The following MPPED2 variants were observed in gnomAD, a reference collection of about 807,000 sequenced individuals.
The protein encoded by MPPED2 is metallophosphoesterase MPPED2.
In MPPED2, 5 loss-of-function variants were observed where a neutral mutation model predicts 33.0. That is an observed-to-expected ratio of 0.15 (90% CI 0.08 to 0.32). The LOEUF (loss-of-function observed/expected upper bound fraction) is 0.32. Ranked by LOEUF, MPPED2 falls within the 10% of genes least tolerant of loss-of-function variation. MPPED2 has a pLI of 1.00. For missense variants in MPPED2, 275 were observed against 372.1 expected (o/e 0.74, Z 2.15); for synonymous variants, 136 against 141.9 (o/e 0.96, Z 0.29).
At chr11:30,523,915 G>C (rs1338414695) in intron 3 of MPPED2, among the ~76,000 whole-genome samples, 1 of 152,168 alleles carries the variant, frequency 6.6e-6, no homozygotes, top group Non-Finnish European at 1.5e-5. Flanking sequence ...AAAAGTTCGA[G>C]GTGGGAACAA....
Position 30,411,404 on chromosome 11 carries a change from T to C in MPPED2, c.*64A>G. The stretch of plus-strand genomic sequence containing the variant: ...TTGTAAATAAGTAAGAGAATGTAAG[T>C]TTATAATTAGAAAAATGGCAGTTTA... On this transcript the variant is annotated 3_prime_UTR_variant, in exon 7 of 7. Transcript: ENST00000358117. 6.5e-7 allele frequency: 1 copy of C among 1,526,788 alleles called. No individual in the cohort carries two copies. The highest frequency in any genetic ancestry group is 8.8e-7 in the Non-Finnish European group (1 of 1,130,410). The allele number at this position is 1,526,788 out of a possible 1,614,324, so 94.6% of individuals were successfully genotyped here.
intron 2 of MPPED2, among the ~76,000 whole-genome samples, chr11:30,560,169 G>T (rs1956173231): frequency 6.6e-6 from 1 of 152,104 alleles, no homozygotes; most frequent in Non-Finnish European, 1.5e-5. Context: ...TATTTTTATT[G>T]TGTTTATTTG....
intron 4 of MPPED2, among the ~76,000 whole-genome samples, chr11:30,472,712 T>C (rs1224917331): frequency 6.6e-6 from 1 of 152,220 alleles, no homozygotes; most frequent in Non-Finnish European, 1.5e-5. Flanking sequence ...AGAGTAGTCA[T>C]ATTCATTGAG....
chr11:30,454,363 C>T (rs1950189878), intron 4 of MPPED2, among the ~76,000 whole-genome samples: 1 of 151,986 alleles, frequency 6.6e-6, no homozygotes, highest in Non-Finnish European at 1.5e-5. Context: ...ATAAACACTA[C>T]ATCAGTTTAA....
At chr11:30,465,194 C>T (rs769040718) in intron 4 of MPPED2, among the ~76,000 whole-genome samples, 1 of 152,154 alleles carries the variant, frequency 6.6e-6, no homozygotes, top group Non-Finnish European at 1.5e-5. Flanking sequence ...GCTGGTGAGG[C>T]TGTAATATAA....
At chr11:30,578,795 A>G (rs1180915904) in intron 2 of MPPED2, among the ~76,000 whole-genome samples, 1 of 152,224 alleles carries the variant, frequency 6.6e-6, no homozygotes, top group Non-Finnish European at 1.5e-5. Context: ...AAAAACAAGT[A>G]AATAGAAACA....
rs948304994 is a variant in MPPED2, at chr11:30,411,231, T to A, written c.*237A>T. 8.7e-7 allele frequency: 1 copy of A among 1,145,218 alleles called. No individual in the cohort carries two copies. The highest frequency in any genetic ancestry group is 1.1e-6 in the Non-Finnish European group (1 of 930,650). 70.9% of individuals were successfully genotyped at this position (1,145,218 alleles called of 1,614,324 possible). A position where few individuals can be genotyped will look rare whatever the true frequency, so the allele number is the denominator to read the frequency against. ...CGAACACTAACAATTTACAATGGCA[T>A]GGCCTTTGAGAAAACAGAAGTCATT... On this transcript the variant is annotated 3_prime_UTR_variant, in exon 7 of 7. Coordinates refer to ENST00000358117, the MANE Select transcript of MPPED2 (RefSeq NM_001584.3).
chr11:30,397,933 A>G (rs1055302748), intron 6 of MPPED2, among the ~76,000 whole-genome samples: 1 of 152,110 alleles, frequency 6.6e-6, no homozygotes, highest in Non-Finnish European at 1.5e-5. Flanking sequence ...TCAGTCTATT[A>G]TGGGTCTTTA....
At chr11:30,469,792 G>A (rs545417120) in intron 4 of MPPED2, among the ~76,000 whole-genome samples, 1 of 152,178 alleles carries the variant, frequency 6.6e-6, no homozygotes, top group East Asian at 1.9e-4. Flanking sequence ...TTGATTAGCA[G>A]GCAAATGGTT....
At chr11:30,449,984 C>T (rs1038915650) in intron 4 of MPPED2, among the ~76,000 whole-genome samples, 1 of 152,166 alleles carries the variant, frequency 6.6e-6, no homozygotes, top group Non-Finnish European at 1.5e-5. Flanking sequence ...ATAAGCCCCC[C>T]AAAACCACTT....
chr11:30,405,020 T>C (rs1311851222), intron 6 of MPPED2, among the ~76,000 whole-genome samples: 1 of 152,102 alleles, frequency 6.6e-6, no homozygotes, highest in East Asian at 1.9e-4. Context: ...GCTGGACGTA[T>C]ATGTGGGAGG....
chr11:30,552,753 T>G (rs1241930206), intron 2 of MPPED2, among the ~76,000 whole-genome samples: 1 of 152,204 alleles, frequency 6.6e-6, no homozygotes, highest in Non-Finnish European at 1.5e-5. Context: ...CCCTTTGCTA[T>G]ACCCCCCAAA....
intron 4 of MPPED2, among the ~76,000 whole-genome samples, chr11:30,485,471 A>ATTTACAC: frequency 2.1e-4 from 32 of 151,758 alleles, no homozygotes; most frequent in South Asian, 4.2e-4. Context: ...CATGTGTAAC[A>ATTTACAC]AGGTAAATAA....
intron 2 of MPPED2, 52 bp downstream of exon 2, chr11:30,580,194 T>TC: frequency 1.3e-6 from 2 of 1,542,314 alleles, no homozygotes; most frequent in Non-Finnish European, 8.9e-7. Context: ...TTCTTTTTTT[T>TC]CTTTTTATTT....
chr11:30,585,631 C>T (rs1452703265), intron 1 of MPPED2, among the ~76,000 whole-genome samples: 1 of 152,126 alleles, frequency 6.6e-6, no homozygotes, highest in Admixed American at 6.5e-5. Context: ...GCCGATACCC[C>T]CTCCTCTCCT....
chr11:30,518,501 G>A (rs567222104), intron 3 of MPPED2, among the ~76,000 whole-genome samples: 5 of 152,320 alleles, frequency 3.3e-5, no homozygotes, highest in Admixed American at 2.0e-4. Flanking sequence ...ATAAAGATGA[G>A]AAATTAAATG....
chr11:30,548,915 G>C (rs961152025), intron 2 of MPPED2, among the ~76,000 whole-genome samples: 3 of 152,128 alleles, frequency 2.0e-5, no homozygotes, highest in African/African-American at 7.2e-5. Context: ...GATTACTAAA[G>C]CCAAATAGGA....
exon 7 of MPPED2, chr11:30,386,504 C>T: frequency 2.7e-6 from 1 of 368,176 alleles, no homozygotes; most frequent in Non-Finnish European, 4.8e-6. Flanking sequence ...AGGTGTTAGG[C>T]TTGCAGAACT....
downstream of MPPED2, among the ~76,000 whole-genome samples, chr11:30,409,649 T>C (rs1244975324): frequency 1.3e-5 from 2 of 152,146 alleles, no homozygotes; most frequent in South Asian, 2.1e-4. Context: ...CAGAATACAA[T>C]CCAATGAGCC....
Sources: allele counts gnomAD v4.1 joint callset (sites outside exome capture counted in the v4.1 genomes callset), GRCh38; gene constraint gnomAD v4.1.1; transcripts MANE v1.5; gene names NCBI Gene and HGNC (gene_info 2026-07-23, HGNC 2026-07-21).